DAP: variants seen among roughly 807,000 people sequenced by gnomAD.
DAP encodes death-associated protein 1.
Under a neutral mutation model 13.8 loss-of-function variants are expected in DAP, and 8 were observed. The ratio of observed to expected loss-of-function variants is 0.58; its 90% CI spans 0.34 to 1.05. DAP has a LOEUF of 1.05. Ranked by LOEUF, DAP falls within the 50% of genes least tolerant of loss-of-function variation. The pLI, the probability that DAP is intolerant of heterozygous loss-of-function variation, is 0.03. For missense variants in DAP, 106 were observed against 133.2 expected, an observed-to-expected ratio of 0.80 and a Z score of 1.01; for synonymous variants, 47 against 47.5, an observed-to-expected ratio of 0.99 and a Z score of 0.04.
chr5:10,715,784 C>T (rs189580794), intron 2 of DAP, among the ~76,000 whole-genome samples: 5 of 152,302 alleles, frequency 3.3e-5, no homozygotes, highest in Admixed American at 2.6e-4. Flanking sequence ...TCATTCATGC[C>T]CCCTGGCCCT....
rs560893164 is a variant in DAP at position 10,744,973 on chromosome 5, T to A, written c.152+3202A>T. 2.6e-5 allele frequency among the ~76,000 whole-genome samples: 4 copies of A among 152,298 alleles called. No individual in the cohort carries two copies. In the South Asian group the frequency reaches 6.2e-4, roughly 24 times the overall value. ...GAGTAGTAATTCAGAATGGGAGTAA[T>A]AGCCAATAATAAACAGCTCTGAGAT... On this transcript the variant is annotated intron_variant, in intron 2 of 3. Transcript: ENST00000230895.
At chr5:10,699,315 T>A (rs1057188077) in intron 2 of DAP, among the ~76,000 whole-genome samples, 1 of 152,260 alleles carries the variant, frequency 6.6e-6, no homozygotes, top group African/African-American at 2.4e-5. Context: ...GTCCAGTTGC[T>A]GGAGGGACAT....
intron 1 of DAP, among the ~76,000 whole-genome samples, chr5:10,759,744 C>CTTTTTTTTTT (rs1169454640): frequency 5.7e-5 from 5 of 88,228 alleles, no homozygotes; most frequent in Non-Finnish European, 1.0e-4. Flanking sequence ...TAATGGGAAT[C>CTTTTTTTTTT]TTTTTTTTTT....
rs1403927881 is a variant in DAP, at chr5:10,751,248, CT to C, written c.56-2978del. Among the ~76,000 whole-genome samples the C allele has an allele frequency of 2.6e-5, 4 of 152,276 alleles. No homozygotes were observed. In the East Asian group the frequency reaches 7.7e-4, roughly 29 times the overall value. On this transcript the variant is annotated intron_variant, in intron 1 of 3. Transcript: ENST00000230895. ...ATTCCTTTCACTTCAAGGTCAAATT[CT>C]TTTAAAAAAGCAAAAAGCCAAAGAC...
intron 2 of DAP, among the ~76,000 whole-genome samples, chr5:10,697,091 T>C (rs182886619): frequency 1.6e-4 from 24 of 152,278 alleles, no homozygotes; most frequent in Non-Finnish European, 2.6e-4. Flanking sequence ...ATGTGGAACA[T>C]ACTGGGGGGA....
rs1291267959 is a variant in DAP at position 10,761,018 on chromosome 5, G to A, written c.51C>T (p.Pro17=). 3 of 1,214,440 alleles carry A rather than the reference G, an allele frequency of 2.5e-6. No individual in the cohort carries two copies. Among genetic ancestry groups the A allele is most frequent in the Admixed American group, 8.8e-5 (2 of 22,844 alleles). 75.2% of individuals were successfully genotyped at this position (1,214,440 alleles called of 1,614,324 possible). Residue 17 remains proline (P), a synonymous_variant, in exon 1 of 4, where the codon CCC becomes CCT. Coordinates refer to ENST00000230895, the MANE Select transcript of DAP (RefSeq NM_004394.3). Reference sequence around the variant, plus strand: ...AGAGAGGAAAAGAGTCAGTACCGGCGGGCGGGTGTCCAGCTTTAGTCTCTA... The same window carrying A: ...AGAGAGGAAAAGAGTCAGTACCGGCAGGCGGGTGTCCAGCTTTAGTCTCTA... ...GKLETKAGHP[P]AVKAGGMRIV...
chr5:10,743,584 A>T (rs1356111534), intron 2 of DAP, among the ~76,000 whole-genome samples: 1 of 152,200 alleles, frequency 6.6e-6, no homozygotes, highest in East Asian at 1.9e-4. Flanking sequence ...AGCCCAGATC[A>T]TGGCAGAATG....
chr5:10,723,093 ATG>A (rs1739200749), intron 2 of DAP, among the ~76,000 whole-genome samples: 1 of 152,218 alleles, frequency 6.6e-6, no homozygotes. Context: ...GATATGCCTT[ATG>A]TATTTTGCCA....
chr5:10,716,333 G>A (rs1302285707), intron 2 of DAP, among the ~76,000 whole-genome samples: 1 of 152,138 alleles, frequency 6.6e-6, no homozygotes, highest in East Asian at 1.9e-4. Flanking sequence ...AGATATCTGT[G>A]GGTAGTAAGA....
At chr5:10,708,580 T>C (rs1157158356) in intron 2 of DAP, among the ~76,000 whole-genome samples, 1 of 152,184 alleles carries the variant, frequency 6.6e-6, no homozygotes, top group Non-Finnish European at 1.5e-5. Flanking sequence ...CTCAACTGAC[T>C]TCATGACCCA....
intron 1 of DAP, among the ~76,000 whole-genome samples, chr5:10,758,304 G>C (rs1344918548): frequency 6.6e-6 from 1 of 151,702 alleles, no homozygotes; most frequent in Non-Finnish European, 1.5e-5. Context: ...TGCCAGAAAA[G>C]GTTCACACAT....
At chr5:10,729,400 TC>T (rs761553145) in intron 2 of DAP, among the ~76,000 whole-genome samples, 2 of 152,072 alleles carry the variant, frequency 1.3e-5, no homozygotes, top group Non-Finnish European at 2.9e-5. Flanking sequence ...CCCACGATGC[TC>T]CCCCAAAAAG....
chr5:10,745,822 T>C, intron 2 of DAP, among the ~76,000 whole-genome samples: 1 of 152,214 alleles, frequency 6.6e-6, no homozygotes. Context: ...TCTCTTGCCC[T>C]CTTTCTTCCT....
chr5:10,687,065 A>C (rs1425513041), intron 2 of DAP, among the ~76,000 whole-genome samples: 1 of 152,166 alleles, frequency 6.6e-6, no homozygotes, highest in Non-Finnish European at 1.5e-5. Context: ...TGCTCTATAC[A>C]TGGGATGACA....
chr5:10,758,614 G>C (rs565516191), intron 1 of DAP, among the ~76,000 whole-genome samples: 1 of 152,154 alleles, frequency 6.6e-6, no homozygotes, highest in African/African-American at 2.4e-5. Flanking sequence ...ATGCTGAAGC[G>C]GGACGTGAGA....
At chr5:10,691,599 G>A (rs1204660804) in intron 2 of DAP, among the ~76,000 whole-genome samples, 1 of 152,202 alleles carries the variant, frequency 6.6e-6, no homozygotes, top group African/African-American at 2.4e-5. Flanking sequence ...TATTTAATCT[G>A]ATGAAAATCA....
chr5:10,702,390 G>A (rs1470190840), intron 2 of DAP, among the ~76,000 whole-genome samples: 2 of 152,110 alleles, frequency 1.3e-5, no homozygotes, highest in African/African-American at 4.8e-5. Flanking sequence ...GCAAAAGAGC[G>A]ATTAGAGATA....
At chr5:10,746,287 T>C (rs1739902738) in intron 2 of DAP, among the ~76,000 whole-genome samples, 1 of 152,148 alleles carries the variant, frequency 6.6e-6, no homozygotes. Context: ...AAACATAGCT[T>C]TGTGAATACA....
At chr5:10,739,784 A>AACACACACACAC (rs1739709577) in intron 2 of DAP, among the ~76,000 whole-genome samples, 1 of 76,074 alleles carries the variant, frequency 1.3e-5, no homozygotes, top group East Asian at 2.7e-4. Context: ...ATACTAAATT[A>AACACACACACAC]ACTCACACAC....
Sources: allele counts gnomAD v4.1 joint callset (sites outside exome capture counted in the v4.1 genomes callset), GRCh38; gene constraint gnomAD v4.1.1; transcripts MANE v1.5; gene names NCBI Gene and HGNC (gene_info 2026-07-23, HGNC 2026-07-21).